ARB2A: variants seen among roughly 807,000 people sequenced by gnomAD.
ARB2A encodes the protein cotranscriptional regulator ARB2A.
At chr5:93,784,599 A>G in the ARB2A span, 5 of 786,954 alleles carry the variant, frequency 6.4e-6, 1 homozygote, top group South Asian at 8.9e-5. Context: ...ATTAACAATG[A>G]AAAAGCAATA....
the ARB2A span, among the ~76,000 whole-genome samples, chr5:93,956,159 T>C: frequency 6.6e-6 from 1 of 152,224 alleles, no homozygotes; most frequent in South Asian, 2.1e-4. Flanking sequence ...GAACTCTTAA[T>C]ACACTTTTGA....
the ARB2A span, among the ~76,000 whole-genome samples, chr5:93,800,600 T>C: frequency 6.6e-6 from 1 of 152,064 alleles, no homozygotes; most frequent in African/African-American, 2.4e-5. Flanking sequence ...GAGTTTTATT[T>C]TAAAAGTGCG....
the ARB2A span, among the ~76,000 whole-genome samples, chr5:93,635,256 CTG>C: frequency 6.6e-6 from 1 of 152,196 alleles, no homozygotes; most frequent in Non-Finnish European, 1.5e-5. Flanking sequence ...TAAAGTAACA[CTG>C]TTGACATTTT....
chr5:94,019,477 G>C, the ARB2A span, among the ~76,000 whole-genome samples: 1 of 152,122 alleles, frequency 6.6e-6, no homozygotes, highest in African/African-American at 2.4e-5. Context: ...AGTGGGCAAA[G>C]GATATGAACA....
chr5:93,712,769 C>G, the ARB2A span, among the ~76,000 whole-genome samples: 8 of 152,064 alleles, frequency 5.3e-5, no homozygotes, highest in Non-Finnish European at 1.0e-4. Context: ...GCAGAAAGAA[C>G]CAAACTGAAG....
chr5:93,946,703 C>T, the ARB2A span, among the ~76,000 whole-genome samples: 6 of 152,022 alleles, frequency 3.9e-5, no homozygotes, highest in South Asian at 4.2e-4. Context: ...TAACAGGTAG[C>T]GATGGATTAG....
chr5:93,972,292 T>A, the ARB2A span, among the ~76,000 whole-genome samples: 1 of 152,040 alleles, frequency 6.6e-6, no homozygotes. Flanking sequence ...ACAAGCAACA[T>A]CTGAGAAAGC....
At chr5:94,020,869 C>A in the ARB2A span, among the ~76,000 whole-genome samples, 1 of 152,128 alleles carries the variant, frequency 6.6e-6, no homozygotes, top group Admixed American at 6.5e-5. Context: ...TGCCATCCAG[C>A]ATTGACTGCT....
the ARB2A span, among the ~76,000 whole-genome samples, chr5:93,959,505 G>A: frequency 3.6e-4 from 55 of 152,094 alleles, no homozygotes; most frequent in Non-Finnish European, 6.6e-4. Context: ...GGAGATAGAC[G>A]TATTGGAAAA....
At chr5:93,646,265 A>C in the ARB2A span, among the ~76,000 whole-genome samples, 9 of 152,132 alleles carry the variant, frequency 5.9e-5, no homozygotes, top group African/African-American at 1.9e-4. Context: ...TTATATAGCC[A>C]TAGTCGCTCT....
chr5:93,779,131 G>A, the ARB2A span, among the ~76,000 whole-genome samples: 14 of 150,948 alleles, frequency 9.3e-5, no homozygotes, highest in South Asian at 2.1e-4. Flanking sequence ...GTGTGCGCGC[G>A]CGCGCGCACG....
At chr5:94,054,399 G>C in the ARB2A span, among the ~76,000 whole-genome samples, 1 of 151,994 alleles carries the variant, frequency 6.6e-6, no homozygotes, top group Non-Finnish European at 1.5e-5. Context: ...TTTGAGGACT[G>C]TGTCAGGTAT....
the ARB2A span, among the ~76,000 whole-genome samples, chr5:93,985,596 G>A: frequency 6.6e-6 from 1 of 152,156 alleles, no homozygotes; most frequent in Non-Finnish European, 1.5e-5. Context: ...ACTGGATTTT[G>A]TATTTTTTGG....
the ARB2A span, among the ~76,000 whole-genome samples, chr5:94,004,486 G>A: frequency 6.6e-6 from 1 of 151,942 alleles, no homozygotes; most frequent in East Asian, 1.9e-4. Flanking sequence ...GGAGGCTGAG[G>A]CAGGAGAATA....
the ARB2A span, among the ~76,000 whole-genome samples, chr5:93,766,456 C>T: frequency 2.0e-5 from 3 of 152,110 alleles, no homozygotes; most frequent in Non-Finnish European, 4.4e-5. Context: ...CATCACTGGC[C>T]ATCAGAGAAA....
chr5:93,944,685 G>GAAAGAACA, the ARB2A span, among the ~76,000 whole-genome samples: 1 of 151,724 alleles, frequency 6.6e-6, no homozygotes, highest in South Asian at 2.1e-4. Context: ...AGAGAAGAAT[G>GAAAGAACA]AAAGAACAAA....
At chr5:93,704,977 C>T in the ARB2A span, among the ~76,000 whole-genome samples, 1 of 152,142 alleles carries the variant, frequency 6.6e-6, no homozygotes. Flanking sequence ...TCAATCCTCT[C>T]GTGTTGGAAA....
At chr5:94,100,890 G>A in the ARB2A span, among the ~76,000 whole-genome samples, 2 of 152,228 alleles carry the variant, frequency 1.3e-5, no homozygotes, top group South Asian at 4.1e-4. Flanking sequence ...AAGAATTCCT[G>A]ACAAAGATAC....
the ARB2A span, among the ~76,000 whole-genome samples, chr5:93,857,058 A>G: frequency 0.91 from 138,828 of 152,210 alleles, 63,661 homozygotes; most frequent in East Asian, 1. Context: ...TCCAGACCCT[A>G]TTTGCCTGGG....
Sources: gnomAD v4.1 joint callset for allele counts (sites outside exome capture counted in the v4.1 genomes callset) on GRCh38, gnomAD v4.1.1 for gene constraint, MANE v1.5 for transcripts, NCBI Gene and HGNC (gene_info 2026-07-23, HGNC 2026-07-21) for gene names.